The following QKI variants were observed in gnomAD, a reference collection of about 807,000 sequenced individuals.
QKI encodes the protein QKI, KH domain containing RNA binding.
A neutral mutation model predicts 39.0 loss-of-function variants in QKI; 10 were observed. That is an observed-to-expected ratio of 0.26 (90% CI 0.16 to 0.43). The LOEUF (loss-of-function observed/expected upper bound fraction) is 0.43. Among genes scored for constraint, QKI ranks in the 20% least tolerant of loss-of-function variants. QKI has a pLI of 1.00. For synonymous variants in QKI, 204 were observed against 155.4 expected (o/e 1.31, Z -2.33); for missense variants, 218 against 428.0 (o/e 0.51, Z 4.33).
intron 3 of QKI, among the ~76,000 whole-genome samples, chr6:163,526,941 T>G (rs1780554660): frequency 6.6e-6 from 1 of 152,220 alleles, no homozygotes; most frequent in African/African-American, 2.4e-5. Flanking sequence ...AGTCAATAAG[T>G]ACTGTGTCTG....
chr6:163,481,766 A>G (rs796096946), intron 3 of QKI, among the ~76,000 whole-genome samples: 1 of 152,202 alleles, frequency 6.6e-6, no homozygotes, highest in Non-Finnish European at 1.5e-5. Context: ...AGTTAAGATC[A>G]TGGAACCAGG....
intron 3 of QKI, among the ~76,000 whole-genome samples, chr6:163,500,237 GAT>G: frequency 6.6e-6 from 1 of 152,258 alleles, no homozygotes; most frequent in African/African-American, 2.4e-5. Context: ...GCAGAGGGAT[GAT>G]ATGATATTTA....
intron 2 of QKI, among the ~76,000 whole-genome samples, chr6:163,476,555 T>A (rs1367452762): frequency 1.3e-5 from 2 of 152,222 alleles, no homozygotes; most frequent in Non-Finnish European, 2.9e-5. Flanking sequence ...AGAATTCTTT[T>A]CGTGGGTTAT....
At chr6:163,430,313 T>G (rs755532342) in intron 1 of QKI, among the ~76,000 whole-genome samples, 1 of 152,178 alleles carries the variant, frequency 6.6e-6, no homozygotes, top group South Asian at 2.1e-4. Flanking sequence ...TGTCCTTCTC[T>G]TCCCTTCATT....
At chr6:163,516,056 A>T (rs1583143087) in intron 3 of QKI, among the ~76,000 whole-genome samples, 1 of 152,172 alleles carries the variant, frequency 6.6e-6, no homozygotes, top group East Asian at 1.9e-4. Flanking sequence ...TTGATGGGAT[A>T]GTAACTAAAT....
At chr6:163,430,891 G>A (rs984195379) in intron 1 of QKI, among the ~76,000 whole-genome samples, 2 of 152,192 alleles carry the variant, frequency 1.3e-5, no homozygotes, top group Admixed American at 6.5e-5. Flanking sequence ...AGGAAGTTCT[G>A]CATACTCCTT....
rs760496240 is a variant in QKI at position 163,575,711 on chromosome 6, A to G, written c.*5001A>G. On this transcript the variant is annotated 3_prime_UTR_variant, in exon 8 of 8. Coordinates refer to ENST00000361752, the MANE Select transcript of QKI (RefSeq NM_006775.3). ...CTGGTTATGGTTTTCTAAACACTAC[A>G]TAAGGATCTGAATTTTTTAGTGTGC... 2 of 152,218 alleles carry G rather than the reference A, an allele frequency of 1.3e-5. No homozygotes were observed. The highest frequency in any genetic ancestry group is 4.8e-5 in the African/African-American group (2 of 41,450). The allele number at this position is 152,218 out of a possible 1,614,324, so 9.4% of individuals were successfully genotyped here.
Position 163,578,136 on chromosome 6 carries a change from G to A in QKI, c.*7426G>A, listed in dbSNP as rs561868015. The stretch of plus-strand genomic sequence containing the variant: ...GCTACACAACAGTTCCAATTTTAAG[G>A]AGTGTCTCCTAAAATTGGGATGAAA... On this transcript the variant is annotated 3_prime_UTR_variant, in exon 8 of 8. Transcript: ENST00000361752. The A allele has an allele frequency of 1.3e-5, 2 of 152,182 alleles. No individual in the cohort carries two copies. Among genetic ancestry groups the A allele is most frequent in the East Asian group, 3.9e-4 (2 of 5,172 alleles). 9.4% of individuals were successfully genotyped at this position (152,182 alleles called of 1,614,324 possible). A position where few individuals can be genotyped will look rare whatever the true frequency, so the allele number is the denominator to read the frequency against.
rs1166337633 is a variant in QKI at position 163,571,975 on chromosome 6, A to G, written c.*1265A>G. 6.6e-6 allele frequency: 1 copy of G among 152,198 alleles called. No individual in the cohort carries two copies. The highest frequency in any genetic ancestry group is 1.5e-5 in the Non-Finnish European group (1 of 68,028). The allele number at this position is 152,198 out of a possible 1,614,324, so 9.4% of individuals were successfully genotyped here. ...AGTCGCCCAGTATGTGAAAGAAGATATGAGGGAGACAAATGAGTTGATAGT... is the reference window on the plus strand; with the variant it reads ...AGTCGCCCAGTATGTGAAAGAAGATGTGAGGGAGACAAATGAGTTGATAGT... On this transcript the variant is annotated 3_prime_UTR_variant, in exon 8 of 8. Coordinates refer to ENST00000361752, the MANE Select transcript of QKI (RefSeq NM_006775.3).
intron 6 of QKI, chr6:163,565,678 C>A (rs1783320664): frequency 9.0e-7 from 1 of 1,116,504 alleles, no homozygotes; most frequent in Non-Finnish European, 1.1e-6. Flanking sequence ...TGGTTAATTT[C>A]ATTTCTTGCT....
chr6:163,415,820 G>A (rs932955246), intron 1 of QKI: 11 of 456,078 alleles, frequency 2.4e-5, no homozygotes, highest in East Asian at 6.9e-5. Context: ...GCGTTCGGGA[G>A]CTCTCCCCTC....
At chr6:163,505,193 C>T (rs748072701) in intron 3 of QKI, among the ~76,000 whole-genome samples, 1 of 152,138 alleles carries the variant, frequency 6.6e-6, no homozygotes, top group Non-Finnish European at 1.5e-5. Flanking sequence ...TATGGAAACG[C>T]CTGGATGTCC....
At position 163,473,865 on chromosome 6, in the gene QKI, C is replaced by G. The variant is rs116476179; in HGVS notation, c.286-4915C>G. ...ATAACCTTGATACCAAAACCTGAGA[C>G]GTGTATTATGAGAAAGAAAAATTGT... On this transcript the variant is annotated intron_variant, in intron 2 of 7. Coordinates refer to ENST00000361752, the MANE Select transcript of QKI (RefSeq NM_006775.3). Among the ~76,000 whole-genome samples the G allele has an allele frequency of 2.5e-3, 385 of 151,588 alleles. 2 individuals carry two copies. Among genetic ancestry groups the G allele is most frequent in the African/African-American group, 8.8e-3 (363 of 41,292 alleles).
intron 3 of QKI, among the ~76,000 whole-genome samples, chr6:163,489,290 C>G (rs1489068698): frequency 6.6e-6 from 1 of 151,760 alleles, no homozygotes; most frequent in East Asian, 1.9e-4. Context: ...TGCTAAATTC[C>G]TCCGTCTTAG....
At chr6:163,420,574 A>G (rs1231630197) in intron 1 of QKI, among the ~76,000 whole-genome samples, 1 of 152,066 alleles carries the variant, frequency 6.6e-6, no homozygotes, top group Non-Finnish European at 1.5e-5. Flanking sequence ...TTTTATTTAC[A>G]TGATCAACGG....
intron 3 of QKI, among the ~76,000 whole-genome samples, chr6:163,517,058 ACTCTCTCTCTCTCTCTCTCTCTTTCT>A (rs1029120197): frequency 4.2e-5 from 6 of 142,188 alleles, no homozygotes; most frequent in African/African-American, 1.6e-4. Context: ...ACACACACTC[ACTCTCTCTCTCTCTCTCTCTCTTTCT>A]CTCTCTCTCT....
At chr6:163,565,268 CT>C in intron 6 of QKI, 1 of 986,626 alleles carries the variant, frequency 1.0e-6, no homozygotes, top group African/African-American at 1.7e-5. Context: ...GTGCATGCTC[CT>C]TTTCCCAGAA....
At chr6:163,417,087 T>C (rs973064198) in intron 1 of QKI, among the ~76,000 whole-genome samples, 1 of 152,222 alleles carries the variant, frequency 6.6e-6, no homozygotes, top group African/African-American at 2.4e-5. Flanking sequence ...GATTATTTGA[T>C]TTGTCATAAT....
chr6:163,421,755 T>C (rs1788010347), intron 1 of QKI, among the ~76,000 whole-genome samples: 1 of 151,994 alleles, frequency 6.6e-6, no homozygotes, highest in Admixed American at 6.6e-5. Context: ...TTTTTCTTTT[T>C]TTTTTTTCAG....
Sources: gnomAD v4.1 joint callset for allele counts (sites outside exome capture counted in the v4.1 genomes callset) on GRCh38, gnomAD v4.1.1 for gene constraint, MANE v1.5 for transcripts, NCBI Gene and HGNC (gene_info 2026-07-23, HGNC 2026-07-21) for gene names.